ZDHHC14: variants seen among roughly 807,000 people sequenced by gnomAD.
ZDHHC14 encodes zDHHC palmitoyltransferase 14.
Under a neutral mutation model 47.7 loss-of-function variants are expected in ZDHHC14, and 16 were observed. That is an observed-to-expected ratio of 0.34 (90% CI 0.23 to 0.51). The LOEUF (loss-of-function observed/expected upper bound fraction) is 0.51, where lower values mean the gene tolerates loss of function less well. Ranked by LOEUF, ZDHHC14 falls within the 20% of genes least tolerant of loss-of-function variation. ZDHHC14 has a pLI of 0.97. For synonymous variants in ZDHHC14, 293 were observed against 278.9 expected (o/e 1.05, Z -0.50); for missense variants, 515 against 662.5 (o/e 0.78, Z 2.44).
rs1419511552 is a variant in ZDHHC14, at chr6:157,645,755, G to A, written c.771G>A (p.Val257=). Residue 257 remains valine, a synonymous_variant, in exon 6 of 9, where the codon GTG becomes GTA. Transcript: ENST00000359775. The part of the protein sequence containing the change: ...DSPASVLEAV[V]CFFSVWSIVG... ...GCATCACCGTCCTGGAGGCTGTGGT[G>A]TGCTTCTTCTCTGTCTGGTCCATCG... The A allele has an allele frequency of 6.2e-7, 1 of 1,613,934 alleles. No individual in the cohort carries two copies. Among genetic ancestry groups the A allele is most frequent in the Non-Finnish European group, 8.5e-7 (1 of 1,180,022 alleles).
chr6:157,446,789 G>A (rs1276687797), intron 1 of ZDHHC14, among the ~76,000 whole-genome samples: 2 of 152,194 alleles, frequency 1.3e-5, no homozygotes, highest in African/African-American at 4.8e-5. Flanking sequence ...ATATGCTGAT[G>A]TATGCATGTA....
rs1286102445 is a variant in ZDHHC14, at chr6:157,381,425, A to T, written c.-597A>T. ...CTCTCGCCGAGAGGCTCCTGACAGA[A>T]AAACGTGCGTGGTTGTCCCCACCCC... On this transcript the variant is annotated 5_prime_UTR_variant, in exon 1 of 9. Coordinates refer to ENST00000359775, the MANE Select transcript of ZDHHC14 (RefSeq NM_024630.3). 6 of 251,522 alleles carry T rather than the reference A, an allele frequency of 2.4e-5. No individual in the cohort carries two copies. The highest frequency in any genetic ancestry group is 1.4e-4 in the African/African-American group (6 of 42,118). 15.6% of individuals were successfully genotyped at this position (251,522 alleles called of 1,614,324 possible).
chr6:157,587,945 C>A (rs1046700101), intron 2 of ZDHHC14, among the ~76,000 whole-genome samples: 2 of 152,036 alleles, frequency 1.3e-5, no homozygotes. Flanking sequence ...CATAGTGAGA[C>A]CTTGTCTCTA....
At chr6:157,556,718 G>A (rs1010634679) in intron 2 of ZDHHC14, among the ~76,000 whole-genome samples, 1 of 148,508 alleles carries the variant, frequency 6.7e-6, no homozygotes, top group East Asian at 1.9e-4. Context: ...CCGAGGCCCC[G>A]GGGCTGGAAC....
intron 1 of ZDHHC14, among the ~76,000 whole-genome samples, chr6:157,426,153 A>G (rs1778213439): frequency 6.6e-6 from 1 of 152,046 alleles, no homozygotes; most frequent in Admixed American, 6.5e-5. Context: ...CAGATGTGAG[A>G]GCCTCCCGCA....
intron 3 of ZDHHC14, among the ~76,000 whole-genome samples, chr6:157,615,597 G>C (rs141080491): frequency 6.6e-6 from 1 of 152,312 alleles, no homozygotes; most frequent in East Asian, 1.9e-4. Flanking sequence ...CCCAGAAACT[G>C]TGCACATCAT....
At chr6:157,441,533 C>T (rs985768624) in intron 1 of ZDHHC14, among the ~76,000 whole-genome samples, 1 of 152,030 alleles carries the variant, frequency 6.6e-6, no homozygotes, top group Non-Finnish European at 1.5e-5. Context: ...AAAAAAGAAA[C>T]GGATGAAAGA....
At chr6:157,500,704 AG>A (rs1379442881) in intron 1 of ZDHHC14, among the ~76,000 whole-genome samples, 3 of 152,236 alleles carry the variant, frequency 2.0e-5, no homozygotes, top group Non-Finnish European at 4.4e-5. Context: ...CCACTGCCCA[AG>A]AACAGACATG....
At chr6:157,493,758 A>G (rs1295084303) in intron 1 of ZDHHC14, among the ~76,000 whole-genome samples, 2 of 152,164 alleles carry the variant, frequency 1.3e-5, no homozygotes, top group Non-Finnish European at 2.9e-5. Flanking sequence ...GTGTCTGCGC[A>G]CCCAGGTCCG....
At chr6:157,435,429 G>A (rs567377566) in intron 1 of ZDHHC14, among the ~76,000 whole-genome samples, 1 of 152,370 alleles carries the variant, frequency 6.6e-6, no homozygotes, top group Non-Finnish European at 1.5e-5. Context: ...CTTGAGGAAA[G>A]GCTAGGACAT....
Position 157,671,085 on chromosome 6 carries a change from C to T in ZDHHC14, c.1069-1639C>T, listed in dbSNP as rs969425151. On this transcript the variant is annotated intron_variant, in intron 8 of 8. Transcript: ENST00000359775. ...GGGTATGAGCAATGGCAGCTCTGTGCGAGTCTCTTATCAGGAAGAGGTCGG... is the reference window on the plus strand; with the variant it reads ...GGGTATGAGCAATGGCAGCTCTGTGTGAGTCTCTTATCAGGAAGAGGTCGG... Among the ~76,000 whole-genome samples, 13 of 152,274 alleles carry T rather than the reference C, an allele frequency of 8.5e-5. 1 individual carries two copies. In the South Asian group the frequency reaches 2.7e-3, roughly 32 times the overall value.
chr6:157,592,629 G>A (rs1783953895), intron 2 of ZDHHC14: 1 of 523,294 alleles, frequency 1.9e-6, no homozygotes. Flanking sequence ...GCAGTCAGGC[G>A]ACTCCCCAGC....
chr6:157,606,667 C>T (rs1482608504), intron 3 of ZDHHC14, among the ~76,000 whole-genome samples: 1 of 152,162 alleles, frequency 6.6e-6, no homozygotes, highest in African/African-American at 2.4e-5. Context: ...AGAGCAGGCT[C>T]ATGGCCCTGG....
At chr6:157,523,804 G>A (rs368996242) in intron 1 of ZDHHC14, among the ~76,000 whole-genome samples, 1 of 152,138 alleles carries the variant, frequency 6.6e-6, no homozygotes, top group East Asian at 1.9e-4. Flanking sequence ...AGGAGGCTGA[G>A]GTGGGAGGAT....
chr6:157,603,862 A>G (rs933416770), intron 3 of ZDHHC14, among the ~76,000 whole-genome samples: 1 of 152,018 alleles, frequency 6.6e-6, no homozygotes, highest in Non-Finnish European at 1.5e-5. Flanking sequence ...TGTGGCGAAG[A>G]CTCCATTGTC....
chr6:157,528,955 T>TG (rs1467455301), intron 1 of ZDHHC14, among the ~76,000 whole-genome samples: 10 of 151,064 alleles, frequency 6.6e-5, no homozygotes, highest in Non-Finnish European at 3.0e-5. Flanking sequence ...AGATGAAGAC[T>TG]GGGGGTGGGA....
At chr6:157,480,203 G>A (rs747824399) in intron 1 of ZDHHC14, among the ~76,000 whole-genome samples, 22 of 151,244 alleles carry the variant, frequency 1.5e-4, no homozygotes, top group Non-Finnish European at 2.9e-5. Flanking sequence ...TGTCCTTGGC[G>A]ATGCTAGATA....
chr6:157,471,718 G>A (rs1201910147), intron 1 of ZDHHC14, among the ~76,000 whole-genome samples: 1 of 152,208 alleles, frequency 6.6e-6, no homozygotes, highest in Non-Finnish European at 1.5e-5. Flanking sequence ...AAGAGGGAAT[G>A]AAACAAAAGT....
rs538879423 is a variant in ZDHHC14 at position 157,652,851 on chromosome 6, C to T, written c.966-674C>T. ...ACCATGGGGGGCCACAAGATGAAGACTCTGCCCTTGGGAGCTTGATTGCAG... is the reference window on the plus strand; with the variant it reads ...ACCATGGGGGGCCACAAGATGAAGATTCTGCCCTTGGGAGCTTGATTGCAG... On this transcript the variant is annotated intron_variant, in intron 7 of 8. Coordinates refer to ENST00000359775, the MANE Select transcript of ZDHHC14 (RefSeq NM_024630.3). Among the ~76,000 whole-genome samples, 3 of 151,896 alleles carry T rather than the reference C, an allele frequency of 2.0e-5. No individual in the cohort carries two copies. The South Asian group carries it at 6.2e-4, about 31-fold the overall frequency.
Sources: allele counts gnomAD v4.1 joint callset (sites outside exome capture counted in the v4.1 genomes callset), GRCh38; gene constraint gnomAD v4.1.1; transcripts MANE v1.5; gene names NCBI Gene and HGNC (gene_info 2026-07-23, HGNC 2026-07-21).